The following STIM2 variants were observed in gnomAD, a reference collection of about 807,000 sequenced individuals.
STIM2 encodes the protein stromal interaction molecule 2.
In STIM2, 31 loss-of-function variants were observed where a neutral mutation model predicts 85.8. The observed-to-expected ratio is 0.36, with a 90% CI of 0.27 to 0.49. STIM2 has a LOEUF of 0.49. Ranked by LOEUF, STIM2 falls within the 20% of genes least tolerant of loss-of-function variation. The pLI, the probability that STIM2 is intolerant of heterozygous loss-of-function variation, is 0.98. For synonymous variants in STIM2, 356 were observed against 331.1 expected (o/e 1.08, Z -0.82); for missense variants, 841 against 927.6 (o/e 0.91, Z 1.21).
intron 2 of STIM2, among the ~76,000 whole-genome samples, chr4:26,929,645 A>G (rs1381936036): frequency 1.3e-5 from 2 of 151,712 alleles, no homozygotes; most frequent in Non-Finnish European, 2.9e-5. Flanking sequence ...TTTTCTCTTT[A>G]GTATCCTCTG....
At chr4:26,973,363 C>T (rs1413634129) in intron 3 of STIM2, among the ~76,000 whole-genome samples, 2 of 152,136 alleles carry the variant, frequency 1.3e-5, no homozygotes, top group African/African-American at 4.8e-5. Context: ...CCTGCTTTCT[C>T]TTGTGGGCAT....
At chr4:26,995,682 G>C (rs898199260) in intron 4 of STIM2, among the ~76,000 whole-genome samples, 192 bp downstream of exon 4, 4 of 152,030 alleles carry the variant, frequency 2.6e-5, no homozygotes, top group Non-Finnish European at 5.9e-5. Context: ...AAATAATCAG[G>C]CTCTTGGAAA....
At chr4:26,981,587 A>G (rs115721345) in intron 3 of STIM2, among the ~76,000 whole-genome samples, 1,689 of 152,306 alleles carry the variant, frequency 0.011, 11 homozygotes, top group Non-Finnish European at 0.018. Flanking sequence ...ATTTGCCCTA[A>G]TAATGGCCTT....
In STIM2 at chr4:27,024,147, AAT is replaced by A. The variant is rs990059110; in HGVS notation, c.*1154_*1155del. The A allele has an allele frequency of 5.9e-5, 9 of 152,336 alleles. No homozygotes were observed. Among genetic ancestry groups the A allele is most frequent in the Middle Eastern group, 3.4e-3 (1 of 292 alleles). 9.4% of individuals were successfully genotyped at this position (152,336 alleles called of 1,614,324 possible). A position where few individuals can be genotyped will look rare whatever the true frequency, so the allele number is the denominator to read the frequency against. ...GTAGTTTGAAATGTAAAAATGTTCT[AAT>A]ATCAAGATTAACAAATATAAATTTA... On this transcript the variant is annotated 3_prime_UTR_variant, in exon 12 of 12. Coordinates refer to ENST00000467087, the MANE Select transcript of STIM2 (RefSeq NM_020860.4).
rs925384415 is a variant in STIM2, at chr4:26,914,683, G to A, written c.152-4821G>A. The stretch of plus-strand genomic sequence containing the variant: ...ATTCAACAAATATGTCACTGTGGTA[G>A]ATACTGAGAATAAAAAATTAATACA... On this transcript the variant is annotated intron_variant, in intron 1 of 11. Transcript: ENST00000467087. Among the ~76,000 whole-genome samples the A allele has an allele frequency of 2.0e-5, 3 of 152,130 alleles. No individual in the cohort carries two copies. The East Asian group carries it at 5.8e-4, about 29-fold the overall frequency.
chr4:26,894,318 G>T lies in STIM2; in HGVS notation c.152-25186G>T, dbSNP rs556450200. Among the ~76,000 whole-genome samples the T allele has an allele frequency of 7.9e-5, 12 of 152,296 alleles. No individual in the cohort carries two copies. In the South Asian group the frequency reaches 2.5e-3, roughly 32 times the overall value. On this transcript the variant is annotated intron_variant, in intron 1 of 11. Coordinates refer to ENST00000467087, the MANE Select transcript of STIM2 (RefSeq NM_020860.4). ...TAATAAACAGAAGTTCTTAATGAGA[G>T]TACTGCCAAATTAACTGGATTTTCC...
At chr4:26,993,634 T>C (rs1248879888) in intron 3 of STIM2, among the ~76,000 whole-genome samples, 1 of 152,184 alleles carries the variant, frequency 6.6e-6, no homozygotes, top group Admixed American at 6.6e-5. Context: ...TTCTGTAGTC[T>C]ATAAGCATTA....
chr4:27,010,453 A>C (rs1368464212), intron 10 of STIM2, among the ~76,000 whole-genome samples: 1 of 149,274 alleles, frequency 6.7e-6, no homozygotes, highest in Non-Finnish European at 1.5e-5. Flanking sequence ...CAAAAAAGAA[A>C]AAGAAAGAAA....
intron 3 of STIM2, among the ~76,000 whole-genome samples, chr4:26,971,466 A>G (rs757370371): frequency 6.6e-6 from 1 of 152,252 alleles, no homozygotes; most frequent in African/African-American, 2.4e-5. Flanking sequence ...ACATATAGCT[A>G]GCCAGTTTTC....
At chr4:26,921,988 C>T (rs767420655) in intron 2 of STIM2, among the ~76,000 whole-genome samples, 1 of 152,078 alleles carries the variant, frequency 6.6e-6, no homozygotes, top group African/African-American at 2.4e-5. Flanking sequence ...CTAGAACCAC[C>T]GACTATATGA....
intron 1 of STIM2, among the ~76,000 whole-genome samples, chr4:26,918,346 G>A (rs1177943321): frequency 6.7e-6 from 1 of 150,196 alleles, no homozygotes; most frequent in Non-Finnish European, 1.5e-5. Context: ...CCTTATAGCT[G>A]CAATAGATCT....
chr4:26,978,251 T>C (rs1231826713), intron 3 of STIM2, among the ~76,000 whole-genome samples: 1 of 148,416 alleles, frequency 6.7e-6, no homozygotes, highest in Non-Finnish European at 1.5e-5. Context: ...TATACACATA[T>C]ATACATATAT....
intron 3 of STIM2, among the ~76,000 whole-genome samples, chr4:26,986,698 T>C (rs1239136523): frequency 6.6e-6 from 1 of 152,242 alleles, no homozygotes; most frequent in Non-Finnish European, 1.5e-5. Context: ...ATAAGCCTCT[T>C]TGGTTCTGTT....
chr4:26,929,009 C>A lies in STIM2; in HGVS notation c.282+9375C>A, dbSNP rs549063490. 3.3e-5 allele frequency among the ~76,000 whole-genome samples: 5 copies of A among 152,268 alleles called. No individual in the cohort carries two copies. The East Asian group carries it at 9.6e-4, about 29-fold the overall frequency. On this transcript the variant is annotated intron_variant, in intron 2 of 11. Coordinates refer to ENST00000467087, the MANE Select transcript of STIM2 (RefSeq NM_020860.4). ...AATCCACTGTCCAGTGTGGTAGCCA[C>A]TAGCCATATTTGGCTATTGAGCATT...
At chr4:26,883,966 G>C (rs747831610) in intron 1 of STIM2, among the ~76,000 whole-genome samples, 1 of 152,200 alleles carries the variant, frequency 6.6e-6, no homozygotes, top group Non-Finnish European at 1.5e-5. Flanking sequence ...AGTATTATCA[G>C]ATTGTTACCT....
chr4:26,967,378 G>A (rs2109101294), intron 3 of STIM2, among the ~76,000 whole-genome samples: 1 of 152,226 alleles, frequency 6.6e-6, no homozygotes, highest in Non-Finnish European at 1.5e-5. Flanking sequence ...TTAAGGCAAA[G>A]GCAAAGAACT....
At chr4:26,950,483 G>A (rs1318756121) in intron 2 of STIM2, among the ~76,000 whole-genome samples, 1 of 152,052 alleles carries the variant, frequency 6.6e-6, no homozygotes, top group Non-Finnish European at 1.5e-5. Flanking sequence ...GGTGGGTGGT[G>A]GGGCCTCATG....
intron 2 of STIM2, among the ~76,000 whole-genome samples, chr4:26,922,550 A>T (rs554469628): frequency 6.6e-6 from 1 of 152,274 alleles, no homozygotes; most frequent in Non-Finnish European, 1.5e-5. Context: ...GAAGAAATGC[A>T]TAGGGCAAGG....
At chr4:26,930,484 T>TA (rs1463006802) in intron 2 of STIM2, among the ~76,000 whole-genome samples, 5 of 149,232 alleles carry the variant, frequency 3.4e-5, no homozygotes, top group African/African-American at 7.5e-5. Context: ...GGTTTTTTTT[T>TA]ATCAGTTTGT....
Sources: gnomAD v4.1 joint callset for allele counts (sites outside exome capture counted in the v4.1 genomes callset) on GRCh38, gnomAD v4.1.1 for gene constraint, MANE v1.5 for transcripts, NCBI Gene and HGNC (gene_info 2026-07-23, HGNC 2026-07-21) for gene names.